EIF4H: variants seen among roughly 807,000 people sequenced by gnomAD.
The protein encoded by EIF4H is Williams-Beuren syndrome chromosome region 1.
EIF4H carries 8 observed loss-of-function variants against 30.6 expected under a neutral mutation model. The observed-to-expected ratio is 0.26, with a 90% CI of 0.15 to 0.47. The LOEUF is 0.47. Among genes scored for constraint, EIF4H ranks in the 20% least tolerant of loss-of-function variants. EIF4H has a pLI of 0.99. For missense variants in EIF4H, 188 were observed against 339.5 expected, an observed-to-expected ratio of 0.55 and a Z score of 3.51; for synonymous variants, 106 against 122.7, an observed-to-expected ratio of 0.86 and a Z score of 0.90.
rs1243456379 is a variant in EIF4H at position 74,190,046 on chromosome 7, G to A, written c.409+128G>A. On this transcript the variant is annotated intron_variant, in intron 4 of 6. Transcript: ENST00000265753. ...GATAGGTTCTCGTGAGCTCTTAAAAGTTTGCGTAAAATCCTAGAAAGAATG... is the reference window on the plus strand; with the variant it reads ...GATAGGTTCTCGTGAGCTCTTAAAAATTTGCGTAAAATCCTAGAAAGAATG... 8 of 1,246,986 alleles carry A rather than the reference G, an allele frequency of 6.4e-6. No homozygotes were observed. In the African/African-American group the frequency reaches 1.2e-4, roughly 19 times the overall value. 77.2% of individuals were successfully genotyped at this position (1,246,986 alleles called of 1,614,324 possible). A position where few individuals can be genotyped will look rare whatever the true frequency, so the allele number is the denominator to read the frequency against.
At chr7:74,174,824 C>T (rs1800800577) in intron 1 of EIF4H, among the ~76,000 whole-genome samples, 1 of 152,254 alleles carries the variant, frequency 6.6e-6, no homozygotes, top group Non-Finnish European at 1.5e-5. Flanking sequence ...CACGGCCTGC[C>T]CCGCTCCGGT....
intron 1 of EIF4H, among the ~76,000 whole-genome samples, chr7:74,177,506 C>A (rs1800868060): frequency 6.6e-6 from 1 of 151,998 alleles, no homozygotes; most frequent in Non-Finnish European, 1.5e-5. Context: ...TTCCCTATTG[C>A]CCTCCTTCCC....
rs1801163614 is a variant in EIF4H, at chr7:74,189,817, A to G, written c.313-5A>G. On this transcript the variant is annotated splice_polypyrimidine_tract_variant and splice_region_variant and intron_variant, in intron 3 of 6. Coordinates refer to ENST00000265753, the MANE Select transcript of EIF4H (RefSeq NM_022170.2). The stretch of plus-strand genomic sequence containing the variant: ...ATACTTACACTATTTTCCCTTTATC[A>G]TTAGCTGTTGGGCGATCGGTCACTT... 1 of 1,613,988 alleles carries G rather than the reference A, an allele frequency of 6.2e-7. No homozygotes were observed. The highest frequency in any genetic ancestry group is 1.3e-5 in the African/African-American group (1 of 74,902).
At chr7:74,180,149 A>G (rs572090363) in intron 1 of EIF4H, among the ~76,000 whole-genome samples, 1 of 152,184 alleles carries the variant, frequency 6.6e-6, no homozygotes, top group Non-Finnish European at 1.5e-5. Flanking sequence ...GTGAGCAGTG[A>G]TTGCACCACA....
chr7:74,184,948 T>G (rs984517797), intron 1 of EIF4H, among the ~76,000 whole-genome samples: 1 of 152,140 alleles, frequency 6.6e-6, no homozygotes, highest in Non-Finnish European at 1.5e-5. Flanking sequence ...CCCGAAGTGC[T>G]GGGATTACAG....
chr7:74,174,529 C>T lies in EIF4H; in HGVS notation c.59+87C>T, dbSNP rs368565079. On this transcript the variant is annotated intron_variant, in intron 1 of 6. Coordinates refer to ENST00000265753, the MANE Select transcript of EIF4H (RefSeq NM_022170.2). The stretch of plus-strand genomic sequence containing the variant: ...GGGTGGCGGCCGTCCTGCGCTCAGC[C>T]GGGGCGGCGGGAGGCGGGGGCCCGC... The T allele has an allele frequency of 7.7e-5, 89 of 1,160,774 alleles. No homozygotes were observed. In the East Asian group the frequency reaches 2.7e-3, roughly 35 times the overall value. 71.9% of individuals were successfully genotyped at this position (1,160,774 alleles called of 1,614,324 possible).
At chr7:74,175,369 T>C (rs1400031407) in intron 1 of EIF4H, among the ~76,000 whole-genome samples, 3 of 152,228 alleles carry the variant, frequency 2.0e-5, no homozygotes, top group African/African-American at 7.2e-5. Flanking sequence ...CTTTGTGTTT[T>C]CTTGCAGAAA....
chr7:74,188,640 T>C (rs782815252), intron 2 of EIF4H, among the ~76,000 whole-genome samples: 1 of 152,156 alleles, frequency 6.6e-6, no homozygotes, highest in East Asian at 1.9e-4. Context: ...GTTACACTTG[T>C]GAAGTAAGCT....
At chr7:74,190,446 C>G (rs1801180553) in intron 5 of EIF4H, 140 bp downstream of exon 5, 1 of 799,500 alleles carries the variant, frequency 1.3e-6, no homozygotes, top group Admixed American at 2.4e-5. Context: ...GGTGCCCAGG[C>G]ATGCAAGTAA....
At chr7:74,195,005 G>A (rs1194978244) in intron 6 of EIF4H, 127 bp downstream of exon 6, 5 of 1,501,668 alleles carry the variant, frequency 3.3e-6, no homozygotes, top group South Asian at 2.7e-5. Flanking sequence ...ACGTTCTCTG[G>A]AATAGCAAGT....
At chr7:74,186,168 G>A (rs1437295721) in intron 1 of EIF4H, among the ~76,000 whole-genome samples, 1 of 151,656 alleles carries the variant, frequency 6.6e-6, no homozygotes, top group Non-Finnish European at 1.5e-5. Flanking sequence ...TCGTTCCTGG[G>A]GCATTCTTAT....
At chr7:74,175,645 T>C (rs1554707542) in intron 1 of EIF4H, among the ~76,000 whole-genome samples, 1 of 152,120 alleles carries the variant, frequency 6.6e-6, no homozygotes, top group Admixed American at 6.6e-5. Flanking sequence ...AAATGTTGGA[T>C]GACATGAAAT....
Position 74,174,462 on chromosome 7 carries a change from GC to G in EIF4H, c.59+24del. On this transcript the variant is annotated intron_variant, in intron 1 of 6. Transcript: ENST00000265753. ...CAGAGGGTGAGGCGGGCGTGCGCGG[GC>G]CCCGTCGGGGGCTGCGGGACCGGCG... 1 of 1,412,246 alleles carries G rather than the reference GC, an allele frequency of 7.1e-7. No individual in the cohort carries two copies. The highest frequency in any genetic ancestry group is 9.4e-7 in the Non-Finnish European group (1 of 1,067,596). The allele number at this position is 1,412,246 out of a possible 1,614,324, so 87.5% of individuals were successfully genotyped here.
At chr7:74,178,976 G>A (rs1278957035) in intron 1 of EIF4H, among the ~76,000 whole-genome samples, 1 of 152,156 alleles carries the variant, frequency 6.6e-6, no homozygotes, top group East Asian at 1.9e-4. Context: ...AGGGCTAGGG[G>A]GGCCGTCACC....
At chr7:74,187,890 G>T (rs917494587) in intron 2 of EIF4H, 92 bp downstream of exon 2, 1 of 1,376,256 alleles carries the variant, frequency 7.3e-7, no homozygotes. Context: ...TGAACCAGAG[G>T]CTGTAATCAA....
At chr7:74,178,971 TA>T (rs111250169) in intron 1 of EIF4H, among the ~76,000 whole-genome samples, 3,323 of 152,308 alleles carry the variant, frequency 0.022, 112 homozygotes, top group African/African-American at 0.074. Flanking sequence ...AGTTCAGGGC[TA>T]GGGGGGCCGT....
chr7:74,178,054 C>T (rs1411192248), intron 1 of EIF4H, among the ~76,000 whole-genome samples: 1 of 152,144 alleles, frequency 6.6e-6, no homozygotes, highest in Non-Finnish European at 1.5e-5. Context: ...CATCCTCCCA[C>T]CTCAGCCTCC....
chr7:74,182,388 G>C (rs1245383539), intron 1 of EIF4H, among the ~76,000 whole-genome samples: 1 of 152,122 alleles, frequency 6.6e-6, no homozygotes, highest in Non-Finnish European at 1.5e-5. Flanking sequence ...ATGGGGTTTT[G>C]CCGTGTTCCC....
rs140420390 is a variant in EIF4H, at chr7:74,195,016, T to G, written c.607+138T>G. The G allele has an allele frequency of 6.3e-5, 95 of 1,502,346 alleles. No homozygotes were observed. In the African/African-American group the frequency reaches 1.2e-3, roughly 19 times the overall value. 93.1% of individuals were successfully genotyped at this position (1,502,346 alleles called of 1,614,324 possible). Reference sequence around the variant, plus strand: ...CCCCACGTTCTCTGGAATAGCAAGTTCACCTTGGTCATTAGAGCATCTGCT... The same window carrying G: ...CCCCACGTTCTCTGGAATAGCAAGTGCACCTTGGTCATTAGAGCATCTGCT... On this transcript the variant is annotated intron_variant, in intron 6 of 6. Coordinates refer to ENST00000265753, the MANE Select transcript of EIF4H (RefSeq NM_022170.2).
Sources: gnomAD v4.1 joint callset for allele counts (sites outside exome capture counted in the v4.1 genomes callset) on GRCh38, gnomAD v4.1.1 for gene constraint, MANE v1.5 for transcripts, NCBI Gene and HGNC (gene_info 2026-07-23, HGNC 2026-07-21) for gene names.